ATRNL1: variants seen among roughly 807,000 people sequenced by gnomAD.
ATRNL1 encodes the protein attractin-like protein 1.
Under a neutral mutation model 182.7 loss-of-function variants are expected in ATRNL1, and 95 were observed. That is an observed-to-expected ratio of 0.52 (90% confidence interval 0.44 to 0.62). The LOEUF (loss-of-function observed/expected upper bound fraction) is 0.62, where lower values mean the gene tolerates loss of function less well. Among genes scored for constraint, ATRNL1 ranks in the 20% least tolerant of loss-of-function variants. The pLI is 0.00. For missense variants in ATRNL1, 1,471 were observed against 1,679.5 expected, an observed-to-expected ratio of 0.88 and a Z score of 2.17; for synonymous variants, 576 against 568.3, an observed-to-expected ratio of 1.01 and a Z score of -0.19.
chr10:115,364,148 T>G (rs199913980), intron 19 of ATRNL1, among the ~76,000 whole-genome samples: 45,415 of 142,184 alleles, frequency 0.32, 8,507 homozygotes, highest in Middle Eastern at 0.46. Context: ...TTCCTACCCG[T>G]GAGCATGGAA....
chr10:115,189,876 G>A (rs1848103006), intron 8 of ATRNL1, among the ~76,000 whole-genome samples: 1 of 152,050 alleles, frequency 6.6e-6, no homozygotes, highest in South Asian at 2.1e-4. Flanking sequence ...GCAACTTCCA[G>A]TCCTGCAAGC....
chr10:115,910,125 A>C (rs1157051491), intron 28 of ATRNL1, among the ~76,000 whole-genome samples: 1 of 152,034 alleles, frequency 6.6e-6, no homozygotes, highest in Non-Finnish European at 1.5e-5. Context: ...AAGCAACTGA[A>C]ACCAACCTGA....
intron 26 of ATRNL1, among the ~76,000 whole-genome samples, chr10:115,690,666 C>T (rs1373773451): frequency 1.3e-5 from 2 of 152,140 alleles, no homozygotes; most frequent in Non-Finnish European, 2.9e-5. Flanking sequence ...AGTTGGGGCT[C>T]ATGGGATGTA....
chr10:115,211,144 G>A (rs187426951), intron 8 of ATRNL1, among the ~76,000 whole-genome samples: 1,569 of 150,614 alleles, frequency 0.01, 19 homozygotes, highest in Non-Finnish European at 0.013. Flanking sequence ...CTGGTGCGCT[G>A]CACCCACTTT....
intron 24 of ATRNL1, among the ~76,000 whole-genome samples, chr10:115,469,981 C>G (rs1370092497): frequency 2.0e-5 from 3 of 150,474 alleles, no homozygotes; most frequent in East Asian, 1.9e-4. Context: ...TTGTTCATTC[C>G]TTTACAACTG....
chr10:115,646,060 C>CACACACACACACACACAT (rs1565244415), intron 26 of ATRNL1, among the ~76,000 whole-genome samples: 3 of 151,684 alleles, frequency 2.0e-5, no homozygotes, highest in Non-Finnish European at 4.4e-5. Context: ...CACACACACA[C>CACACACACACACACACAT]ACACACACAA....
intron 26 of ATRNL1, among the ~76,000 whole-genome samples, chr10:115,553,686 T>C (rs1853136916): frequency 2.0e-5 from 3 of 151,394 alleles, no homozygotes; most frequent in Non-Finnish European, 4.5e-5. Flanking sequence ...AGTAGAATTT[T>C]AGTAGCTTTG....
chr10:115,224,023 C>T (rs1384531500), intron 9 of ATRNL1, among the ~76,000 whole-genome samples: 2 of 148,098 alleles, frequency 1.4e-5, no homozygotes, highest in African/African-American at 5.0e-5. Flanking sequence ...GCAACCTCTG[C>T]CTCTCAGGTT....
At chr10:115,758,875 G>A (rs1335189495) in intron 27 of ATRNL1, among the ~76,000 whole-genome samples, 1 of 152,204 alleles carries the variant, frequency 6.6e-6, no homozygotes, top group African/African-American at 2.4e-5. Context: ...ATTCTTATGG[G>A]TGTACATAAA....
intron 27 of ATRNL1, among the ~76,000 whole-genome samples, chr10:115,738,126 A>ATTTTTTTTTTTTTTTTTTTTTTTTTTTT (rs10546896): frequency 2.1e-5 from 1 of 47,112 alleles, no homozygotes; most frequent in Non-Finnish European, 4.1e-5. Context: ...GAAGATAATG[A>ATTTTTTTTTTTTTTTTTTTTTTTTTTTT]TTTTTTTTTT....
intron 24 of ATRNL1, among the ~76,000 whole-genome samples, chr10:115,479,398 A>C (rs190449783): frequency 3.3e-5 from 5 of 151,736 alleles, no homozygotes; most frequent in Admixed American, 3.3e-4. Context: ...TCAGACATTA[A>C]TTTAGCCATT....
In ATRNL1 at chr10:115,680,302, G is replaced by C. The variant is rs187499930; in HGVS notation, c.3796-46946G>C. On this transcript the variant is annotated intron_variant, in intron 26 of 28. Coordinates refer to ENST00000355044, the MANE Select transcript of ATRNL1 (RefSeq NM_207303.4). ...TCTCTCTTCCATCTAGTTACTCAGA[G>C]ACCTAGGCTAACAGAAGAGCCACAT... is the stretch of plus-strand genomic sequence containing the variant. 3.3e-5 allele frequency among the ~76,000 whole-genome samples: 5 copies of C among 152,192 alleles called. No homozygotes were observed. The East Asian group carries it at 9.7e-4, about 29-fold the overall frequency.
chr10:115,364,599 G>C (rs1288227908), intron 19 of ATRNL1, among the ~76,000 whole-genome samples: 1 of 149,348 alleles, frequency 6.7e-6, no homozygotes, highest in Non-Finnish European at 1.5e-5. Flanking sequence ...TCTTGTGCCA[G>C]TTTTCAAAGG....
chr10:115,447,806 T>G (rs754045124), intron 21 of ATRNL1, among the ~76,000 whole-genome samples: 2 of 151,964 alleles, frequency 1.3e-5, no homozygotes, highest in Non-Finnish European at 2.9e-5. Flanking sequence ...ATTGTAGATT[T>G]ATTAGATTTT....
intron 10 of ATRNL1, among the ~76,000 whole-genome samples, chr10:115,255,703 C>A (rs1225264769): frequency 6.6e-6 from 1 of 152,138 alleles, no homozygotes; most frequent in Non-Finnish European, 1.5e-5. Flanking sequence ...AGAGGGCATC[C>A]CTGTCTTGTG....
chr10:115,867,565 A>G (rs565639307), intron 28 of ATRNL1, among the ~76,000 whole-genome samples: 4 of 152,274 alleles, frequency 2.6e-5, no homozygotes, highest in Admixed American at 6.5e-5. Context: ...TGTCATTAGC[A>G]TAACAGGATC....
chr10:115,873,036 G>T (rs782429706), intron 28 of ATRNL1, among the ~76,000 whole-genome samples: 76 of 152,294 alleles, frequency 5.0e-4, no homozygotes, highest in Non-Finnish European at 1.0e-3. Flanking sequence ...TTTCCTCATA[G>T]TAAGGTAAGT....
At chr10:115,594,585 C>T (rs1449693235) in intron 26 of ATRNL1, among the ~76,000 whole-genome samples, 1 of 152,214 alleles carries the variant, frequency 6.6e-6, no homozygotes, top group East Asian at 1.9e-4. Context: ...TGGCTCACCG[C>T]AATCTCCGCC....
intron 18 of ATRNL1, among the ~76,000 whole-genome samples, chr10:115,324,026 C>T (rs191940783): frequency 3.4e-4 from 52 of 152,294 alleles, no homozygotes; most frequent in African/African-American, 1.2e-3. Flanking sequence ...ATCTGCCCGC[C>T]TTGGCCTCCC....
Sources: gnomAD v4.1 joint callset for allele counts (sites outside exome capture counted in the v4.1 genomes callset) on GRCh38, gnomAD v4.1.1 for gene constraint, MANE v1.5 for transcripts, NCBI Gene and HGNC (gene_info 2026-07-23, HGNC 2026-07-21) for gene names.